The following DHRSX variants were observed in gnomAD, a reference collection of about 807,000 sequenced individuals.
DHRSX encodes dehydrogenase/reductase X-linked.
Under a neutral mutation model 34.0 loss-of-function variants are expected in DHRSX, and 31 were observed. The observed-to-expected ratio is 0.91, with a 90% CI of 0.69 to 1.23. The LOEUF is 1.23. Among genes scored for constraint, DHRSX ranks in the 50% most tolerant of loss-of-function variants. The pLI, the probability that DHRSX is intolerant of heterozygous loss-of-function variation, is 0.00. For synonymous variants in DHRSX, 201 were observed against 183.8 expected, an observed-to-expected ratio of 1.09 and a Z score of -0.76; for missense variants, 414 against 428.1, an observed-to-expected ratio of 0.97 and a Z score of 0.29.
chrX:2,294,830 G>A (rs2041913405), intron 3 of DHRSX, among the ~76,000 whole-genome samples: 1 of 151,572 alleles, frequency 6.6e-6, no homozygotes, highest in Non-Finnish European at 1.5e-5. Context: ...GAGAGAGAGA[G>A]GGAGAAAGAC....
At chrX:2,492,984 G>A (rs1372811834) in intron 1 of DHRSX, among the ~76,000 whole-genome samples, 3 of 152,230 alleles carry the variant, frequency 2.0e-5, no homozygotes, top group Non-Finnish European at 2.9e-5. Flanking sequence ...CTGGCTTTCC[G>A]TCAACGGTGC....
intron 5 of DHRSX, among the ~76,000 whole-genome samples, chrX:2,251,284 G>A (rs1486181622): frequency 1.3e-5 from 2 of 152,186 alleles, no homozygotes; most frequent in African/African-American, 4.8e-5. Context: ...ATATCTGCTA[G>A]CCGTGATAAA....
At chrX:2,336,735 T>C (rs112640946) in intron 3 of DHRSX, among the ~76,000 whole-genome samples, 21,089 of 151,786 alleles carry the variant, frequency 0.14, 4,392 homozygotes, top group African/African-American at 0.46. Context: ...ACTGCCCACA[T>C]CGTTATTTCA....
intron 3 of DHRSX, among the ~76,000 whole-genome samples, chrX:2,306,319 C>T (rs781615605): frequency 4.6e-5 from 7 of 151,790 alleles, no homozygotes; most frequent in African/African-American, 7.3e-5. Context: ...GAAGATGAGC[C>T]GATACATCAA....
chrX:2,474,430 A>C (rs935970620), intron 1 of DHRSX, among the ~76,000 whole-genome samples: 3 of 151,688 alleles, frequency 2.0e-5, no homozygotes, highest in Non-Finnish European at 4.4e-5. Context: ...GACCGCCCCC[A>C]TGTACGCACT....
chrX:2,308,316 G>A (rs2042124513), intron 3 of DHRSX, among the ~76,000 whole-genome samples: 1 of 152,094 alleles, frequency 6.6e-6, no homozygotes, highest in African/African-American at 2.4e-5. Flanking sequence ...AAAAGGTGAT[G>A]TCTGTATCTT....
Position 2,358,759 on chromosome X carries a change from T to C in DHRSX, c.286+49986A>G, listed in dbSNP as rs2042889501. On this transcript the variant is annotated intron_variant, in intron 3 of 6. Coordinates refer to ENST00000334651, the MANE Select transcript of DHRSX (RefSeq NM_145177.3). ...GTAAATGGCGAATTTAAATCCAGTT[T>C]GGAAAGACAGATGTGCTTTGCTTAT... Among the ~76,000 whole-genome samples, 5 of 152,072 alleles carry C rather than the reference T, an allele frequency of 3.3e-5. 1 individual carries two copies. The South Asian group carries it at 1.0e-3, about 32-fold the overall frequency.
intron 1 of DHRSX, among the ~76,000 whole-genome samples, chrX:2,469,428 T>A: frequency 6.6e-6 from 1 of 150,680 alleles, no homozygotes; most frequent in African/African-American, 2.5e-5. Flanking sequence ...GCGACGGCAC[T>A]GAAGACACTC....
At chrX:2,320,601 A>C (rs199782377) in intron 3 of DHRSX, among the ~76,000 whole-genome samples, 14 of 38,140 alleles carry the variant, frequency 3.7e-4, no homozygotes, top group Admixed American at 3.0e-3. Context: ...TGGCCCTGCA[A>C]GTCTGTTTTG....
intron 3 of DHRSX, among the ~76,000 whole-genome samples, chrX:2,298,766 A>G (rs187622728): frequency 0.027 from 4,091 of 151,972 alleles, 203 homozygotes; most frequent in African/African-American, 0.093. Context: ...CGGGCGGATC[A>G]CCTGAGGTCG....
chrX:2,472,085 C>T (rs893747222), intron 1 of DHRSX, among the ~76,000 whole-genome samples: 3 of 148,436 alleles, frequency 2.0e-5, no homozygotes, highest in African/African-American at 7.6e-5. Flanking sequence ...CTGGTGGTAG[C>T]GGTGAGCCGA....
chrX:2,341,469 G>A (rs1050012077), intron 3 of DHRSX, among the ~76,000 whole-genome samples: 21 of 152,002 alleles, frequency 1.4e-4, no homozygotes, highest in African/African-American at 4.6e-4. Flanking sequence ...CTCTGCCTCC[G>A]TCTCCACGTG....
At chrX:2,343,004 A>C (rs951716276) in intron 3 of DHRSX, among the ~76,000 whole-genome samples, 1 of 152,032 alleles carries the variant, frequency 6.6e-6, no homozygotes, top group African/African-American at 2.4e-5. Flanking sequence ...TTGATTAAAA[A>C]CCGCCTAAAT....
intron 3 of DHRSX, among the ~76,000 whole-genome samples, chrX:2,365,012 ATATCTATC>A (rs377639923): frequency 6.6e-6 from 1 of 152,126 alleles, no homozygotes; most frequent in South Asian, 2.1e-4. Context: ...GACAACTGGC[ATATCTATC>A]TATCTATCTA....
At chrX:2,255,105 C>T (rs904200493) in intron 5 of DHRSX, among the ~76,000 whole-genome samples, 3 of 152,014 alleles carry the variant, frequency 2.0e-5, no homozygotes, top group Non-Finnish European at 4.4e-5. Context: ...GCTGGGACTA[C>T]AGTCACCCGT....
intron 6 of DHRSX, among the ~76,000 whole-genome samples, chrX:2,235,409 A>G (rs1396423186): frequency 1.3e-5 from 2 of 152,166 alleles, no homozygotes; most frequent in African/African-American, 4.8e-5. Flanking sequence ...AGAAATCCGC[A>G]CCTGTACTCC....
At chrX:2,474,327 A>G (rs1337885127) in intron 1 of DHRSX, among the ~76,000 whole-genome samples, 1 of 151,916 alleles carries the variant, frequency 6.6e-6, no homozygotes, top group Non-Finnish European at 1.5e-5. Context: ...AGGGACTGCC[A>G]CCATGTACAC....
chrX:2,325,162 T>C (rs1255622853), intron 3 of DHRSX, among the ~76,000 whole-genome samples: 1 of 152,088 alleles, frequency 6.6e-6, no homozygotes, highest in Non-Finnish European at 1.5e-5. Context: ...ACAAGCCAGC[T>C]GGGAGCTTGT....
At chrX:2,359,954 A>G (rs1033356138) in intron 3 of DHRSX, among the ~76,000 whole-genome samples, 21 of 152,178 alleles carry the variant, frequency 1.4e-4, no homozygotes, top group African/African-American at 4.8e-4. Context: ...GATCAGGAAA[A>G]TAACTAATGG....
Sources: gnomAD v4.1 joint callset for allele counts (sites outside exome capture counted in the v4.1 genomes callset) on GRCh38, gnomAD v4.1.1 for gene constraint, MANE v1.5 for transcripts, NCBI Gene and HGNC (gene_info 2026-07-23, HGNC 2026-07-21) for gene names.